SCNN1A: variants seen among roughly 807,000 people sequenced by gnomAD.
SCNN1A encodes epithelial sodium channel subunit alpha.
In SCNN1A, 65 loss-of-function variants were observed where a neutral mutation model predicts 68.6. That is an observed-to-expected ratio of 0.95 (90% CI 0.78 to 1.16). SCNN1A has a LOEUF of 1.16. SCNN1A is among the 50% of genes most tolerant of loss of function. The pLI is 0.00. For synonymous variants in SCNN1A, 357 were observed against 353.3 expected (o/e 1.01, Z -0.12); for missense variants, 880 against 865.9 (o/e 1.02, Z -0.20).
Position 6,351,440 on chromosome 12 carries a change from G to T in SCNN1A, c.1361-2035C>A, listed in dbSNP as rs903745841. Among the ~76,000 whole-genome samples, 1 of 152,104 alleles carries T rather than the reference G, an allele frequency of 6.6e-6. No homozygotes were observed. The highest frequency in any genetic ancestry group is 1.5e-5 in the Non-Finnish European group (1 of 68,028). On this transcript the variant is annotated intron_variant, in intron 8 of 12. Transcript: ENST00000228916. The surrounding 1 kb of genome is among the most constrained non-coding windows in gnomAD (Gnocchi z 4.2). Reference sequence around the variant, plus strand: ...AGTTTGAGACCAGCCTGACCAATATGGTGAAACCCCATCTCTACTAAAAAA... The same window carrying T: ...AGTTTGAGACCAGCCTGACCAATATTGTGAAACCCCATCTCTACTAAAAAA...
At chr12:6,353,682 C>CTG (rs1555111735) in intron 8 of SCNN1A, 2 of 70,964 alleles carry the variant, frequency 2.8e-5, no homozygotes, top group Non-Finnish European at 4.8e-5. Flanking sequence ...CTCCGCCTCC[C>CTG]GGGTCCACAC....
At chr12:6,375,948 C>A, upstream of SCNN1A, 6 of 1,044,766 alleles carry the variant, frequency 5.7e-6, no homozygotes, top group Non-Finnish European at 6.9e-6. Flanking sequence ...AGGAGGGGCA[C>A]TGAGTGAGTA....
intron 12 of SCNN1A, 57 bp downstream of exon 12, chr12:6,348,670 C>T: frequency 1.4e-6 from 2 of 1,459,052 alleles, no homozygotes; most frequent in Non-Finnish European, 1.9e-6. Flanking sequence ...TCCCCGACAG[C>T]CGCCCTGCTA....
chr12:6,372,572 A>G lies in SCNN1A; in HGVS notation c.416+1796T>C, dbSNP rs1346526649. ...GACTGTCTAGGGCCCCGCATCCAGC[A>G]GAACCTAAGAACTGTGCAGGCCTCA... On this transcript the variant is annotated intron_variant, in intron 2 of 12. Coordinates refer to ENST00000228916, the MANE Select transcript of SCNN1A (RefSeq NM_001038.6). The surrounding 1 kb of genome is among the most constrained non-coding windows in gnomAD (Gnocchi z 5.8). Among the ~76,000 whole-genome samples the G allele has an allele frequency of 6.6e-6, 1 of 152,212 alleles. No homozygotes were observed. The highest frequency in any genetic ancestry group is 1.5e-5 in the Non-Finnish European group (1 of 68,042).
intron 4 of SCNN1A, 131 bp downstream of exon 4, chr12:6,361,920 C>A (rs1271448475): frequency 2.2e-5 from 22 of 991,338 alleles, no homozygotes; most frequent in Non-Finnish European, 4.8e-6. Flanking sequence ...GCCAGTGCTT[C>A]CCCCTGGCCT....
chr12:6,376,424 G>A (rs555160968), upstream of SCNN1A, among the ~76,000 whole-genome samples: 2 of 152,302 alleles, frequency 1.3e-5, no homozygotes, highest in East Asian at 1.9e-4. Flanking sequence ...GAGGCAGCGC[G>A]AGGGCCACGC....
At chr12:6,369,075 T>C (rs529447447) in intron 2 of SCNN1A, among the ~76,000 whole-genome samples, 6 of 152,122 alleles carry the variant, frequency 3.9e-5, no homozygotes, top group Non-Finnish European at 7.4e-5. Context: ...CCTGGAGTTA[T>C]TTCCACCACA....
intron 4 of SCNN1A, among the ~76,000 whole-genome samples, chr12:6,361,560 A>G (rs749868927): frequency 2.0e-4 from 31 of 151,992 alleles, no homozygotes; most frequent in Admixed American, 5.9e-4. Context: ...ACCAACATGG[A>G]CGTTGACCAA....
intron 3 of SCNN1A, among the ~76,000 whole-genome samples, chr12:6,362,784 A>G (rs1332513702): frequency 6.6e-6 from 1 of 150,616 alleles, no homozygotes; most frequent in Admixed American, 6.6e-5. Context: ...AGTTCAAGCA[A>G]TTCTCCCATC....
chr12:6,363,491 G>C lies in SCNN1A; in HGVS notation c.636C>G (p.Asp212Glu), dbSNP rs1948618519. Residue 212 changes from aspartate to glutamate, a missense_variant, in exon 3 of 13, where the codon GAC becomes GAG. Transcript: ENST00000228916. Reference protein sequence around the residue: ...RARSVASSLRDNNPQVDWKDW... With the variant: ...RARSVASSLRENNPQVDWKDW... ...CCTTCCAGTCCACCTGGGGGTTGTTGTCCCGCAAGCTGGAGGCCACGCTAC... is the reference window on the plus strand; with the variant it reads ...CCTTCCAGTCCACCTGGGGGTTGTTCTCCCGCAAGCTGGAGGCCACGCTAC... 1.9e-6 allele frequency: 3 copies of C among 1,607,204 alleles called. No individual in the cohort carries two copies. The highest frequency in any genetic ancestry group is 2.5e-6 in the Non-Finnish European group (3 of 1,177,062).
At position 6,355,204 on chromosome 12, in the gene SCNN1A, C is replaced by T. The variant is rs1368369065; in HGVS notation, c.1143+68G>A. The stretch of plus-strand genomic sequence containing the variant: ...CCACATGCTCTCCCTCTCCAGCCTC[C>T]CATGCCTCCCCGCTGCCCCTCTGCA... On this transcript the variant is annotated intron_variant, in intron 6 of 12. Transcript: ENST00000228916. 9 of 1,542,208 alleles carry T rather than the reference C, an allele frequency of 5.8e-6. No individual in the cohort carries two copies. The African/African-American group carries it at 1.2e-4, about 21-fold the overall frequency.
rs887378930 is a variant in SCNN1A at position 6,347,749 on chromosome 12, C to A, written c.*124G>T. Reference sequence around the variant, plus strand: ...GCCCTTACCCATCTTGCTTCCCCTCCACACATCAACGGCAGTTTGGGCGGC... The same window carrying A: ...GCCCTTACCCATCTTGCTTCCCCTCAACACATCAACGGCAGTTTGGGCGGC... On this transcript the variant is annotated 3_prime_UTR_variant, in exon 13 of 13. Transcript: ENST00000228916. 4 of 825,466 alleles carry A rather than the reference C, an allele frequency of 4.8e-6. No homozygotes were observed. The South Asian group carries it at 5.9e-5, about 12-fold the overall frequency. 51.1% of individuals were successfully genotyped at this position (825,466 alleles called of 1,614,324 possible). A position where few individuals can be genotyped will look rare whatever the true frequency, so the allele number is the denominator to read the frequency against.
chr12:6,375,616 G>A (rs764749354), upstream of SCNN1A: 10 of 826,516 alleles, frequency 1.2e-5, no homozygotes, highest in South Asian at 1.4e-4. Flanking sequence ...GGGGGGAGGG[G>A]CTGAGGAGGA....
intron 5 of SCNN1A, 152 bp downstream of exon 5, chr12:6,355,625 T>C: frequency 1.1e-6 from 1 of 892,270 alleles, no homozygotes. Flanking sequence ...TGGGACGGGA[T>C]TCCTCTCATG....
At position 6,348,073 on chromosome 12, in the gene SCNN1A, C is replaced by T. The variant is rs1488234387; in HGVS notation, c.1810G>A (p.Glu604Lys). The T allele has an allele frequency of 2.2e-5, 36 of 1,613,842 alleles. No homozygotes were observed. The highest frequency in any genetic ancestry group is 2.7e-5 in the Non-Finnish European group (32 of 1,179,938). The stretch of plus-strand genomic sequence containing the variant: ...GAGGATGCCAGGGTGGAGGCTACCT[C>T]CTGAGCACCCCTGCCCCCTCGGCCT... ...SPGRGGRGAQ[E>K]VASTLASSPP... Residue 604 changes from glutamate to lysine, a missense_variant, in exon 13 of 13, where the codon GAG becomes AAG. This residue lies in a region of SCNN1A where 758 missense variants were observed against 721.8 expected (regional missense o/e 1.05). Coordinates refer to ENST00000228916, the MANE Select transcript of SCNN1A (RefSeq NM_001038.6).
At chr12:6,370,013 T>A (rs1948758600) in intron 2 of SCNN1A, among the ~76,000 whole-genome samples, 1 of 152,108 alleles carries the variant, frequency 6.6e-6, no homozygotes, top group Admixed American at 6.5e-5. Flanking sequence ...AGGGAAGGGA[T>A]AAAGAATGCC....
chr12:6,348,672 G>T (rs1011278994), intron 12 of SCNN1A, 55 bp downstream of exon 12: 2 of 1,473,896 alleles, frequency 1.4e-6, no homozygotes, highest in Non-Finnish European at 1.9e-6. Flanking sequence ...CCCGACAGCC[G>T]CCCTGCTAAG....
chr12:6,375,072 AAC>A, intron 1 of SCNN1A: 2 of 1,528,318 alleles, frequency 1.3e-6, no homozygotes, highest in Non-Finnish European at 1.8e-6. Flanking sequence ...GCTTCCCTAG[AAC>A]GGCCTCTCCT....
intron 2 of SCNN1A, among the ~76,000 whole-genome samples, chr12:6,369,249 C>T (rs1404575383): frequency 6.6e-6 from 1 of 151,976 alleles, no homozygotes; most frequent in Non-Finnish European, 1.5e-5. Context: ...GCCCGGCTTC[C>T]TCCTCCATGC....
Sources: gnomAD v4.1 joint callset for allele counts (sites outside exome capture counted in the v4.1 genomes callset) on GRCh38, gnomAD v4.1.1 for gene constraint, gnomAD v4.1.1 regional missense constraint, Gnocchi (gnomAD v3.1) non-coding constraint, MANE v1.5 for transcripts, NCBI Gene and HGNC (gene_info 2026-07-23, HGNC 2026-07-21) for gene names.